Variants in BCKDHB observed in about 807,000 individuals in gnomAD.
BCKDHB encodes the protein branched chain keto acid dehydrogenase E1 subunit beta.
A neutral mutation model predicts 48.5 loss-of-function variants in BCKDHB; 41 were observed. That is an observed-to-expected ratio of 0.85 (90% CI 0.66 to 1.10). The LOEUF is 1.10. Among genes scored for constraint, BCKDHB ranks in the 50% least tolerant of loss-of-function variants. The probability of loss-of-function intolerance (pLI) is 0.00; values close to 1 mark genes in which losing one functional copy is unlikely to be tolerated. For missense variants in BCKDHB, 496 were observed against 494.2 expected, an observed-to-expected ratio of 1.00 and a Z score of -0.03; for synonymous variants, 201 against 174.8, an observed-to-expected ratio of 1.15 and a Z score of -1.18.
In BCKDHB at chr6:80,308,273, C is replaced by A. The variant is rs527356649; in HGVS notation, c.1038+35052C>A. ...TGTATCATGGACATTGTTTCATATT[C>A]TTAACTTGTTCAAAAGTCGTGTTTA... On this transcript the variant is annotated intron_variant, in intron 9 of 9. Transcript: ENST00000320393. 2.0e-5 allele frequency among the ~76,000 whole-genome samples: 3 copies of A among 151,704 alleles called. No individual in the cohort carries two copies. In the South Asian group the frequency reaches 6.2e-4, roughly 31 times the overall value.
chr6:80,180,932 T>G (rs1424924918), intron 6 of BCKDHB, among the ~76,000 whole-genome samples: 1 of 152,174 alleles, frequency 6.6e-6, no homozygotes, highest in African/African-American at 2.4e-5. Flanking sequence ...TTAAATTAGT[T>G]TCTAAATTGA....
At chr6:80,236,549 A>G (rs936307307) in intron 8 of BCKDHB, among the ~76,000 whole-genome samples, 3 of 152,240 alleles carry the variant, frequency 2.0e-5, no homozygotes, top group African/African-American at 7.2e-5. Flanking sequence ...TAAAGCCCTC[A>G]CTGTACAGCT....
intron 8 of BCKDHB, among the ~76,000 whole-genome samples, chr6:80,242,296 C>T (rs1776421322): frequency 6.6e-6 from 1 of 152,006 alleles, no homozygotes; most frequent in Non-Finnish European, 1.5e-5. Context: ...TAACAGTATC[C>T]ACTGTTCATG....
At chr6:80,161,909 G>A (rs80313755) in intron 3 of BCKDHB, among the ~76,000 whole-genome samples, 1 of 152,036 alleles carries the variant, frequency 6.6e-6, no homozygotes, top group Admixed American at 6.6e-5. Context: ...TAAAAGCCAC[G>A]GATTTTACCA....
At chr6:80,376,628 A>C in the BCKDHB span, among the ~76,000 whole-genome samples, 1 of 152,192 alleles carries the variant, frequency 6.6e-6, no homozygotes, top group Non-Finnish European at 1.5e-5. Flanking sequence ...TGGGAGTTGC[A>C]AGTTAGTCCT....
chr6:80,358,986 G>A, the BCKDHB span, among the ~76,000 whole-genome samples: 1 of 152,050 alleles, frequency 6.6e-6, no homozygotes, highest in Non-Finnish European at 1.5e-5. Flanking sequence ...ACTCTGAGAG[G>A]GCCCCAACAT....
chr6:80,342,493 A>AG (rs1271140911), intron 9 of BCKDHB, among the ~76,000 whole-genome samples: 1 of 131,204 alleles, frequency 7.6e-6, no homozygotes, highest in African/African-American at 2.7e-5. Flanking sequence ...GGCTGAGGCT[A>AG]GGGGATCACT....
At chr6:80,352,533 A>G in the BCKDHB span, among the ~76,000 whole-genome samples, 1 of 152,034 alleles carries the variant, frequency 6.6e-6, no homozygotes, top group Non-Finnish European at 1.5e-5. Context: ...ATGAACCACC[A>G]TTTTCTGTAA....
intron 3 of BCKDHB, among the ~76,000 whole-genome samples, chr6:80,143,217 T>TC: frequency 6.6e-6 from 1 of 152,266 alleles, no homozygotes; most frequent in Non-Finnish European, 1.5e-5. Context: ...GTATGGCAAC[T>TC]TCACGTTGAC....
chr6:80,225,260 C>T (rs570855907), intron 8 of BCKDHB, among the ~76,000 whole-genome samples: 17 of 152,228 alleles, frequency 1.1e-4, no homozygotes, highest in African/African-American at 3.6e-4. Context: ...GCTTGAGTAG[C>T]TGAATGCCTA....
intron 3 of BCKDHB, among the ~76,000 whole-genome samples, chr6:80,148,317 C>A (rs149062458): frequency 1.3e-5 from 2 of 151,566 alleles, no homozygotes; most frequent in Admixed American, 1.3e-4. Flanking sequence ...GAAAGTCATC[C>A]TTCTGCATAT....
chr6:80,444,385 G>A, the BCKDHB span, among the ~76,000 whole-genome samples: 2 of 152,104 alleles, frequency 1.3e-5, no homozygotes, highest in Non-Finnish European at 2.9e-5. Context: ...AACATGTTAC[G>A]CCATGCCAGG....
In BCKDHB at chr6:80,217,639, A is replaced by G. The variant is rs1057369745; in HGVS notation, c.951+14427A>G. The stretch of plus-strand genomic sequence containing the variant: ...TCTTCCTTCCCTGCCCCTACTCCCT[A>G]AACACAGCCACTTTTAACCATTTCT... On this transcript the variant is annotated intron_variant, in intron 8 of 9. Coordinates refer to ENST00000320393, the MANE Select transcript of BCKDHB (RefSeq NM_183050.4). 2.6e-5 allele frequency among the ~76,000 whole-genome samples: 4 copies of G among 152,300 alleles called. No individual in the cohort carries two copies. The East Asian group carries it at 7.7e-4, about 29-fold the overall frequency.
chr6:80,170,497 C>A (rs1009407389), intron 5 of BCKDHB, among the ~76,000 whole-genome samples: 1 of 152,274 alleles, frequency 6.6e-6, no homozygotes, highest in African/African-American at 2.4e-5. Context: ...TTTGATCAAG[C>A]AAGTCGTGTG....
chr6:80,309,749 T>G (rs1032740615), intron 9 of BCKDHB, among the ~76,000 whole-genome samples: 6 of 152,176 alleles, frequency 3.9e-5, no homozygotes, highest in Non-Finnish European at 7.3e-5. Context: ...CATGTGTAGG[T>G]TTGTTATATA....
At chr6:80,208,607 T>G (rs903470776) in intron 8 of BCKDHB, among the ~76,000 whole-genome samples, 2 of 151,824 alleles carry the variant, frequency 1.3e-5, no homozygotes, top group Non-Finnish European at 1.5e-5. Flanking sequence ...TTTGTTTGTA[T>G]GATGAAGAGC....
chr6:80,278,821 TG>T (rs1778074306), intron 9 of BCKDHB, among the ~76,000 whole-genome samples: 1 of 152,058 alleles, frequency 6.6e-6, no homozygotes, highest in African/African-American at 2.4e-5. Context: ...CCTCCCAAAG[TG>T]CCTTTCCCCA....
At chr6:80,242,168 T>C (rs899806160) in intron 8 of BCKDHB, among the ~76,000 whole-genome samples, 8 of 152,208 alleles carry the variant, frequency 5.3e-5, no homozygotes. Context: ...TTTTGAATAG[T>C]TTTAAAGTTT....
intron 8 of BCKDHB, among the ~76,000 whole-genome samples, chr6:80,222,729 T>C (rs945351984): frequency 6.6e-6 from 1 of 152,186 alleles, no homozygotes; most frequent in Non-Finnish European, 1.5e-5. Flanking sequence ...TCTAAGAGAT[T>C]GGGTTTCTTG....
Sources: gnomAD v4.1 joint callset for allele counts (sites outside exome capture counted in the v4.1 genomes callset) on GRCh38, gnomAD v4.1.1 for gene constraint, MANE v1.5 for transcripts, NCBI Gene and HGNC (gene_info 2026-07-23, HGNC 2026-07-21) for gene names.